Variants in SLC44A5 observed in about 807,000 individuals in gnomAD.
SLC44A5 encodes choline transporter-like protein 5.
Under a neutral mutation model 101.8 loss-of-function variants are expected in SLC44A5, and 57 were observed. That is an observed-to-expected ratio of 0.56 (90% confidence interval 0.45 to 0.70). The LOEUF is 0.70. Ranked by LOEUF, SLC44A5 falls within the 30% of genes least tolerant of loss-of-function variation. The pLI is 0.00. For missense variants in SLC44A5, 737 were observed against 853.1 expected (o/e 0.86, Z 1.70); for synonymous variants, 281 against 290.9 (o/e 0.97, Z 0.35).
At chr1:75,300,381 ATAATTG>A (rs1181826611) in intron 5 of SLC44A5, among the ~76,000 whole-genome samples, 10 of 152,210 alleles carry the variant, frequency 6.6e-5, no homozygotes, top group African/African-American at 2.2e-4. Flanking sequence ...TTTCTGCTTT[ATAATTG>A]TATTTACTTA....
At chr1:75,221,058 A>C (rs1346959534) in intron 14 of SLC44A5, among the ~76,000 whole-genome samples, 3 of 152,188 alleles carry the variant, frequency 2.0e-5, no homozygotes, top group African/African-American at 7.2e-5. Context: ...GAACTGCACA[A>C]TATCATACTA....
In SLC44A5 at chr1:75,368,862, T is replaced by C. The variant is rs139976200; in HGVS notation, c.52+27721A>G. ...AGAAGGAAGTTTATGTATAAAACAT[T>C]AAGTGTACTAACCAATTAAATACAT... On this transcript the variant is annotated intron_variant, in intron 3 of 23. Coordinates refer to ENST00000370859, the MANE Select transcript of SLC44A5 (RefSeq NM_001130058.2). 3.9e-3 allele frequency among the ~76,000 whole-genome samples: 592 copies of C among 152,360 alleles called. 2 individuals carry two copies. Among genetic ancestry groups the C allele is most frequent in the African/African-American group, 0.014 (566 of 41,582 alleles).
chr1:75,675,508 T>G, the SLC44A5 span, among the ~76,000 whole-genome samples: 1 of 152,140 alleles, frequency 6.6e-6, no homozygotes, highest in African/African-American at 2.4e-5. Flanking sequence ...TAAGAAGCTT[T>G]TGGACTGAGA....
the SLC44A5 span, among the ~76,000 whole-genome samples, chr1:75,714,639 T>C: frequency 2.0e-5 from 3 of 152,198 alleles, no homozygotes; most frequent in Non-Finnish European, 2.9e-5. Flanking sequence ...CTAAGTCTGA[T>C]AAACCACTTC....
intron 4 of SLC44A5, among the ~76,000 whole-genome samples, chr1:75,306,733 C>CTTTTTTCTTT (rs1553158685): frequency 9.7e-6 from 1 of 102,586 alleles, no homozygotes; most frequent in African/African-American, 4.2e-5. Context: ...GGTTTCCTTT[C>CTTTTTTCTTT]TTTTTTTTTT....
At chr1:75,698,979 G>A in the SLC44A5 span, among the ~76,000 whole-genome samples, 6 of 152,166 alleles carry the variant, frequency 3.9e-5, no homozygotes, top group Non-Finnish European at 5.9e-5. Context: ...AAGGAACAAA[G>A]CCTCCAAGAA....
At chr1:75,389,462 C>T (rs1249830) in intron 3 of SLC44A5, among the ~76,000 whole-genome samples, 96,229 of 152,080 alleles carry the variant, frequency 0.63, 32,110 homozygotes, top group East Asian at 0.96. Flanking sequence ...ACTGAAATCA[C>T]ACTAGACATA....
chr1:75,364,373 G>A (rs141866566), intron 3 of SLC44A5, among the ~76,000 whole-genome samples: 14 of 152,214 alleles, frequency 9.2e-5, no homozygotes, highest in African/African-American at 3.4e-4. Flanking sequence ...CATGGCCAGA[G>A]CAAGAGCAAG....
chr1:75,526,042 TTAG>T (rs575839111), intron 2 of SLC44A5, among the ~76,000 whole-genome samples: 284 of 152,322 alleles, frequency 1.9e-3, no homozygotes, highest in African/African-American at 6.2e-3. Flanking sequence ...AGCAGCATAA[TTAG>T]TAGTCCCAGA....
chr1:75,290,414 T>C (rs891068556), intron 5 of SLC44A5, among the ~76,000 whole-genome samples: 7 of 152,144 alleles, frequency 4.6e-5, no homozygotes, highest in Admixed American at 4.6e-4. Context: ...AAGCAGGAGT[T>C]GATGTAGAAC....
intron 23 of SLC44A5, chr1:75,206,540 C>T: frequency 9.1e-7 from 1 of 1,093,386 alleles, no homozygotes; most frequent in Non-Finnish European, 1.4e-6. Flanking sequence ...AGCAACATTT[C>T]CAAATTACAA....
chr1:75,453,893 C>T (rs892887769), intron 2 of SLC44A5, among the ~76,000 whole-genome samples: 5 of 151,964 alleles, frequency 3.3e-5, no homozygotes, highest in Non-Finnish European at 5.9e-5. Flanking sequence ...GTGCTGAAAT[C>T]GAATCAGTAA....
chr1:75,448,488 C>T (rs541620187), intron 2 of SLC44A5, among the ~76,000 whole-genome samples: 44 of 152,284 alleles, frequency 2.9e-4, no homozygotes, highest in Non-Finnish European at 5.0e-4. Context: ...CTCAGAGTGA[C>T]GTAGGTGGCA....
chr1:75,284,642 C>T (rs1464682598), intron 5 of SLC44A5, among the ~76,000 whole-genome samples: 4 of 151,890 alleles, frequency 2.6e-5, no homozygotes, highest in Admixed American at 6.6e-5. Context: ...GTTGGCTGTG[C>T]GTTTTTCATA....
At chr1:75,308,641 T>A (rs1215701102) in intron 4 of SLC44A5, among the ~76,000 whole-genome samples, 1 of 152,140 alleles carries the variant, frequency 6.6e-6, no homozygotes, top group Non-Finnish European at 1.5e-5. Flanking sequence ...CACAGCAGGG[T>A]GCAAAGAGAC....
At position 75,460,839 on chromosome 1, in the gene SLC44A5, G is replaced by A. The variant is rs115648255; in HGVS notation, c.14-64218C>T. On this transcript the variant is annotated intron_variant, in intron 2 of 23. Coordinates refer to ENST00000370859, the MANE Select transcript of SLC44A5 (RefSeq NM_001130058.2). ...TTTCTACCCTAGAAATGCAAGACAG[G>A]TAAGAAAATCACTTACATCCAACTA... Among the ~76,000 whole-genome samples the A allele has an allele frequency of 4.2e-3, 636 of 152,110 alleles. 3 individuals are homozygous for A. The highest frequency in any genetic ancestry group is 0.017 in the Middle Eastern group (5 of 294).
chr1:75,223,087 A>G (rs2100518387), intron 13 of SLC44A5, among the ~76,000 whole-genome samples: 1 of 152,326 alleles, frequency 6.6e-6, no homozygotes, highest in South Asian at 2.1e-4. Context: ...AGGTTATACA[A>G]ACTGCGTCAA....
intron 3 of SLC44A5, among the ~76,000 whole-genome samples, chr1:75,340,030 C>G (rs1484509479): frequency 6.6e-6 from 1 of 152,190 alleles, no homozygotes; most frequent in Middle Eastern, 3.2e-3. Context: ...GCCTCCTTAT[C>G]CCAGCTCTCC....
intron 1 of SLC44A5, among the ~76,000 whole-genome samples, chr1:75,586,120 T>C (rs983072765): frequency 6.6e-6 from 1 of 152,188 alleles, no homozygotes; most frequent in Non-Finnish European, 1.5e-5. Flanking sequence ...GTTAAGCAGA[T>C]TGTCCTGCCT....
Sources: gnomAD v4.1 joint callset for allele counts (sites outside exome capture counted in the v4.1 genomes callset) on GRCh38, gnomAD v4.1.1 for gene constraint, MANE v1.5 for transcripts, NCBI Gene and HGNC (gene_info 2026-07-23, HGNC 2026-07-21) for gene names.